The following PPP2R3A variants were observed in gnomAD, a reference collection of about 807,000 sequenced individuals.
PPP2R3A encodes the protein serine/threonine-protein phosphatase 2A regulatory subunit B'' subunit alpha.
A neutral mutation model predicts 106.9 loss-of-function variants in PPP2R3A; 80 were observed. That is an observed-to-expected ratio of 0.75 (90% CI 0.62 to 0.90). PPP2R3A has a LOEUF of 0.90. Ranked by LOEUF, PPP2R3A falls within the 40% of genes least tolerant of loss-of-function variation. The probability of loss-of-function intolerance (pLI) is 0.00; values close to 1 mark genes in which losing one functional copy is unlikely to be tolerated. For synonymous variants in PPP2R3A, 483 were observed against 468.3 expected, an observed-to-expected ratio of 1.03 and a Z score of -0.41; for missense variants, 1,386 against 1,350.4, an observed-to-expected ratio of 1.03 and a Z score of -0.41.
intron 2 of PPP2R3A, among the ~76,000 whole-genome samples, chr3:136,011,859 A>C (rs1485791730): frequency 6.6e-6 from 1 of 152,164 alleles, no homozygotes; most frequent in Non-Finnish European, 1.5e-5. Context: ...CAAGAGACGT[A>C]TTTGTCGTAC....
At chr3:136,142,938 A>G (rs1204460040) in intron 13 of PPP2R3A, among the ~76,000 whole-genome samples, 2 of 152,252 alleles carry the variant, frequency 1.3e-5, no homozygotes, top group African/African-American at 2.4e-5. Flanking sequence ...TCCCCAGAAC[A>G]GAGGCTCTGC....
At chr3:136,124,392 AGG>A (rs1938108121) in intron 13 of PPP2R3A, among the ~76,000 whole-genome samples, 1 of 152,132 alleles carries the variant, frequency 6.6e-6, no homozygotes. Context: ...CTGAAGCAAG[AGG>A]ATTGCTTGAA....
At chr3:136,138,639 A>T (rs571194732) in intron 13 of PPP2R3A, among the ~76,000 whole-genome samples, 1 of 151,518 alleles carries the variant, frequency 6.6e-6, no homozygotes, top group South Asian at 2.1e-4. Context: ...GTATAAAGAT[A>T]AATCACACAC....
chr3:136,126,070 G>C (rs895880094), intron 13 of PPP2R3A, among the ~76,000 whole-genome samples: 3 of 152,214 alleles, frequency 2.0e-5, no homozygotes, highest in African/African-American at 7.2e-5. Flanking sequence ...CTCCCAGCAT[G>C]ATCGATGCAG....
intron 13 of PPP2R3A, among the ~76,000 whole-genome samples, chr3:136,137,743 G>A (rs376196907): frequency 1.3e-5 from 2 of 151,642 alleles, no homozygotes; most frequent in Non-Finnish European, 2.9e-5. Context: ...GGGTTTCACC[G>A]TGTTAGCCAG....
chr3:135,995,615 G>A (rs758806684), intron 1 of PPP2R3A, among the ~76,000 whole-genome samples: 8 of 151,896 alleles, frequency 5.3e-5, no homozygotes, highest in Non-Finnish European at 1.0e-4. Context: ...TGGGATTACG[G>A]GCACACACCA....
intron 5 of PPP2R3A, among the ~76,000 whole-genome samples, chr3:136,062,114 A>G (rs926922331): frequency 6.6e-6 from 1 of 152,184 alleles, no homozygotes; most frequent in African/African-American, 2.4e-5. Context: ...CCTAGTAATT[A>G]GGAATGAGGT....
intron 9 of PPP2R3A, among the ~76,000 whole-genome samples, chr3:136,088,457 A>C (rs143177131): frequency 2.4e-4 from 37 of 152,196 alleles, no homozygotes; most frequent in Non-Finnish European, 1.2e-4. Flanking sequence ...ATAGTATTCA[A>C]TGGTATATAT....
At chr3:136,053,896 C>T (rs1935767640) in intron 5 of PPP2R3A, among the ~76,000 whole-genome samples, 1 of 152,030 alleles carries the variant, frequency 6.6e-6, no homozygotes, top group African/African-American at 2.4e-5. Context: ...ACTACCTTGT[C>T]CTTCTTAAAC....
chr3:136,030,761 C>CATATATATATATATATATAT lies in PPP2R3A; in HGVS notation c.2262+3664_2262+3683dup, dbSNP rs374923726. 6.6e-3 allele frequency among the ~76,000 whole-genome samples: 658 copies of CATATATATATATATATATAT among 99,930 alleles called. 11 individuals carry two copies. The highest frequency in any genetic ancestry group is 0.01 in the Non-Finnish European group (501 of 49,150). 65.6% of individuals were successfully genotyped at this position (99,930 alleles called of 152,430 possible). A position where few individuals can be genotyped will look rare whatever the true frequency, so the allele number is the denominator to read the frequency against. On this transcript the variant is annotated intron_variant, in intron 3 of 13. Transcript: ENST00000264977. ...TTTATGGCTGAGTAGTATTCCATCA[C>CATATATATATATATATATAT]ATATATATATATATATATATGTATG...
rs756355250 is a variant in PPP2R3A, at chr3:136,082,280, G to C, written c.2647G>C (p.Glu883Gln). ...SNFLQTLALL[E>Q]EEEDINQITD... ...ATAATTTCAGACCCTAGCACTTTTGGAAGAAGAGGAAGATATAAACCAAAT... is the reference window on the plus strand; with the variant it reads ...ATAATTTCAGACCCTAGCACTTTTGCAAGAAGAGGAAGATATAAACCAAAT... The change falls in exon 8 of 14, where the codon GAA becomes CAA. Residue 883 changes from glutamate (E) to glutamine (Q), a missense_variant. Glu to Gln is a conservative substitution (Grantham distance 29). Transcript: ENST00000264977. The C allele has an allele frequency of 1.3e-6, 2 of 1,585,168 alleles. No homozygotes were observed. Among genetic ancestry groups the C allele is most frequent in the African/African-American group, 2.7e-5 (2 of 74,112 alleles).
intron 3 of PPP2R3A, among the ~76,000 whole-genome samples, chr3:136,031,799 A>T (rs2107831362): frequency 6.6e-6 from 1 of 152,328 alleles, no homozygotes; most frequent in Admixed American, 6.5e-5. Context: ...ACCTTGTCAA[A>T]GATCAGTTGG....
chr3:136,144,094 A>G (rs1240563175), intron 13 of PPP2R3A, among the ~76,000 whole-genome samples: 1 of 152,196 alleles, frequency 6.6e-6, no homozygotes, highest in Non-Finnish European at 1.5e-5. Flanking sequence ...CATCATTTCC[A>G]AGAGAAAATA....
At chr3:135,987,021 C>G (rs779136605) in intron 1 of PPP2R3A, among the ~76,000 whole-genome samples, 1 of 152,070 alleles carries the variant, frequency 6.6e-6, no homozygotes. Flanking sequence ...CTGCTCTTTT[C>G]GGTTATCAGT....
intron 6 of PPP2R3A, 80 bp from the exon 7 acceptor site, chr3:136,078,287 T>A (rs577501938): frequency 1.1e-6 from 1 of 934,894 alleles, no homozygotes; most frequent in South Asian, 1.4e-5. Flanking sequence ...TGGTCCCAAG[T>A]ATGTTCATAA....
intron 1 of PPP2R3A, among the ~76,000 whole-genome samples, chr3:135,978,238 T>A (rs1937475256): frequency 6.7e-6 from 1 of 149,026 alleles, no homozygotes; most frequent in African/African-American, 2.6e-5. Flanking sequence ...TATTATTTCC[T>A]ATTCTTAAGC....
chr3:136,073,405 C>T (rs914182332), intron 6 of PPP2R3A, among the ~76,000 whole-genome samples: 4 of 152,174 alleles, frequency 2.6e-5, no homozygotes, highest in East Asian at 1.9e-4. Context: ...TAATAGAGTA[C>T]AGTTAATTAT....
chr3:136,092,778 A>T (rs1022900608), intron 10 of PPP2R3A, among the ~76,000 whole-genome samples: 2 of 152,182 alleles, frequency 1.3e-5, no homozygotes, highest in African/African-American at 4.8e-5. Context: ...CCAATGGGGA[A>T]AAAAAACAGT....
At position 136,089,603 on chromosome 3, in the gene PPP2R3A, TG is replaced by T. The variant is rs756088548; in HGVS notation, c.2838-974del. Reference sequence around the variant, plus strand: ...TTCCATATGAATTTTAGAATGGTGTTGTTTTTTTTTTTTTCTTAAAAAAAAA... The same window carrying T: ...TTCCATATGAATTTTAGAATGGTGTTTTTTTTTTTTTTTCTTAAAAAAAAA... On this transcript the variant is annotated intron_variant, in intron 9 of 13. Transcript: ENST00000264977. 4.1e-4 allele frequency among the ~76,000 whole-genome samples: 61 copies of T among 147,824 alleles called. No homozygotes were observed. The East Asian group carries it at 9.5e-3, about 23-fold the overall frequency.
Sources: allele counts gnomAD v4.1 joint callset (sites outside exome capture counted in the v4.1 genomes callset), GRCh38; gene constraint gnomAD v4.1.1; transcripts MANE v1.5; gene names NCBI Gene and HGNC (gene_info 2026-07-23, HGNC 2026-07-21).